The following MTMR12 variants were observed in gnomAD, a reference collection of about 807,000 sequenced individuals.
MTMR12 encodes the protein myotubularin related protein 12.
Under a neutral mutation model 96.7 loss-of-function variants are expected in MTMR12, and 33 were observed. The observed-to-expected ratio is 0.34, with a 90% CI of 0.26 to 0.46. The LOEUF (loss-of-function observed/expected upper bound fraction) is 0.46. Ranked by LOEUF, MTMR12 falls within the 20% of genes least tolerant of loss-of-function variation. The pLI is 1.00. For synonymous variants in MTMR12, 298 were observed against 327.2 expected (o/e 0.91, Z 0.96); for missense variants, 721 against 896.1 (o/e 0.80, Z 2.49).
intron 2 of MTMR12, among the ~76,000 whole-genome samples, chr5:32,276,206 G>A (rs141345505): frequency 7.2e-5 from 11 of 152,312 alleles, no homozygotes; most frequent in African/African-American, 2.4e-4. Flanking sequence ...ACTGCAGGGC[G>A]AAGTGCTGGC....
chr5:32,235,240 A>T, intron 13 of MTMR12, 111 bp from the exon 14 acceptor site: 1 of 961,332 alleles, frequency 1.0e-6, no homozygotes, highest in South Asian at 1.9e-5. Flanking sequence ...TGAGGACTTC[A>T]TTCTCTGGGA....
At chr5:32,242,203 G>C in intron 11 of MTMR12, 76 bp from the exon 12 acceptor site, 2 of 1,019,844 alleles carry the variant, frequency 2.0e-6, no homozygotes, top group Non-Finnish European at 2.9e-6. Context: ...AGTTGAGAGA[G>C]AGTCTGACTT....
In MTMR12 at chr5:32,293,552, G is replaced by A. The variant is rs3935490; in HGVS notation, c.82-16810C>T. Among the ~76,000 whole-genome samples the A allele has an allele frequency of 8.6e-3, 1,311 of 152,164 alleles. 14 individuals are homozygous for A. The highest frequency in any genetic ancestry group is 0.03 in the African/African-American group (1,247 of 41,490). ...GTAAGTTAATACTTAATAAACTCCA[G>A]ATATATATAGGAGATATATATCCTA... On this transcript the variant is annotated intron_variant, in intron 1 of 15. Transcript: ENST00000382142.
At chr5:32,301,698 C>T (rs1403433610) in intron 1 of MTMR12, among the ~76,000 whole-genome samples, 1 of 152,116 alleles carries the variant, frequency 6.6e-6, no homozygotes, top group African/African-American at 2.4e-5. Flanking sequence ...TGAGACCAGT[C>T]TGGCCAACAT....
intron 1 of MTMR12, among the ~76,000 whole-genome samples, chr5:32,310,877 C>CTTT (rs58830358): frequency 1.4e-5 from 2 of 144,886 alleles, no homozygotes; most frequent in African/African-American, 2.5e-5. Flanking sequence ...AGATTTCTTT[C>CTTT]TTTTTTTTTT....
At chr5:32,230,909 T>A (rs1435600058) in intron 15 of MTMR12, among the ~76,000 whole-genome samples, 1 of 152,204 alleles carries the variant, frequency 6.6e-6, no homozygotes, top group East Asian at 1.9e-4. Flanking sequence ...GTCATAAAGA[T>A]TCTTTTAGAT....
Position 32,248,767 on chromosome 5 carries a change from C to T in MTMR12, c.896+5G>A, listed in dbSNP as rs1487778882. On this transcript the variant is annotated splice_donor_5th_base_variant and intron_variant, in intron 9 of 15. Coordinates refer to ENST00000382142, the MANE Select transcript of MTMR12 (RefSeq NM_001040446.3). Reference sequence around the variant, plus strand: ...ACAAGAACAAAATGTAGAACTAGTACTGACCCATCTAAGAAGCTCTTTTGG... The same window carrying T: ...ACAAGAACAAAATGTAGAACTAGTATTGACCCATCTAAGAAGCTCTTTTGG... The T allele has an allele frequency of 1.9e-6, 3 of 1,610,032 alleles. No individual in the cohort carries two copies. The South Asian group carries it at 3.3e-5, about 18-fold the overall frequency.
chr5:32,298,384 G>A (rs532398197), intron 1 of MTMR12, among the ~76,000 whole-genome samples: 1 of 152,316 alleles, frequency 6.6e-6, no homozygotes, highest in African/African-American at 2.4e-5. Context: ...AGGCTCACTT[G>A]AAAGGAGAGA....
At chr5:32,283,184 T>A (rs1023471959) in intron 1 of MTMR12, among the ~76,000 whole-genome samples, 1 of 152,220 alleles carries the variant, frequency 6.6e-6, no homozygotes, top group Admixed American at 6.5e-5. Flanking sequence ...GTCCAAACTT[T>A]ACAATTGAAT....
At chr5:32,238,404 GGTCT>G (rs1455757063) in intron 13 of MTMR12, among the ~76,000 whole-genome samples, 1 of 152,008 alleles carries the variant, frequency 6.6e-6, no homozygotes, top group Non-Finnish European at 1.5e-5. Context: ...GTAGAGATGA[GGTCT>G]GTCTATGTTG....
intron 1 of MTMR12, chr5:32,296,528 T>C (rs1222272611): frequency 3.1e-6 from 1 of 323,610 alleles, no homozygotes; most frequent in Non-Finnish European, 6.5e-6. Flanking sequence ...GGCATGGCGA[T>C]TTACACTTTG....
chr5:32,277,338 C>A (rs988091398), intron 1 of MTMR12, among the ~76,000 whole-genome samples: 2 of 152,170 alleles, frequency 1.3e-5, no homozygotes, highest in African/African-American at 4.8e-5. Context: ...CTCCTTATCT[C>A]TCCTTATCTA....
At position 32,230,549 on chromosome 5, in the gene MTMR12, A is replaced by G. The variant is rs866273279; in HGVS notation, c.1675-202T>C. On this transcript the variant is annotated intron_variant, in intron 15 of 15. Coordinates refer to ENST00000382142, the MANE Select transcript of MTMR12 (RefSeq NM_001040446.3). ...GTATTGCCATGGTGCACACTGTACCAGAAACAAATGGGGAAGCAGGTGCAC... is the reference window on the plus strand; with the variant it reads ...GTATTGCCATGGTGCACACTGTACCGGAAACAAATGGGGAAGCAGGTGCAC... Among the ~76,000 whole-genome samples the G allele has an allele frequency of 2.1e-4, 32 of 152,228 alleles. 1 individual carries two copies. Among genetic ancestry groups the G allele is most frequent in the Non-Finnish European group, 7.3e-5 (5 of 68,034 alleles).
intron 3 of MTMR12, 72 bp downstream of exon 3, chr5:32,273,908 T>A: frequency 6.3e-7 from 1 of 1,592,106 alleles, no homozygotes; most frequent in Non-Finnish European, 8.6e-7. Context: ...ACTGAGAAGC[T>A]GGGAAAAAAA....
chr5:32,269,858 G>A (rs1749765714), intron 5 of MTMR12, among the ~76,000 whole-genome samples: 2 of 152,186 alleles, frequency 1.3e-5, no homozygotes, highest in African/African-American at 4.8e-5. Context: ...GCTGTTTCGT[G>A]TGAAACTAAA....
intron 4 of MTMR12, 30 bp downstream of exon 4, chr5:32,271,803 C>G (rs779740072): frequency 7.1e-7 from 1 of 1,411,138 alleles, no homozygotes; most frequent in South Asian, 1.4e-5. Flanking sequence ...TCAAAGGTTG[C>G]CAACACCCCA....
chr5:32,243,631 GT>G, intron 10 of MTMR12, 32 bp from the exon 11 acceptor site: 1 of 1,416,574 alleles, frequency 7.1e-7, no homozygotes, highest in Non-Finnish European at 1.0e-6. Flanking sequence ...AAGACGTCAG[GT>G]CATTGTTCAC....
rs570740421 is a variant in MTMR12 at position 32,285,351 on chromosome 5, C to T, written c.82-8609G>A. On this transcript the variant is annotated intron_variant, in intron 1 of 15. Transcript: ENST00000382142. The stretch of plus-strand genomic sequence containing the variant: ...TCAGCCTGGGTGACAGAGCGAGATT[C>T]CATTTCAAAAAAAAAAAAAAAAAGA... 1.9e-4 allele frequency among the ~76,000 whole-genome samples: 23 copies of T among 123,646 alleles called. No homozygotes were observed. The South Asian group carries it at 7.2e-3, about 39-fold the overall frequency. The allele number at this position is 123,646 out of a possible 152,430, so 81.1% of individuals were successfully genotyped here. A position where few individuals can be genotyped will look rare whatever the true frequency, so the allele number is the denominator to read the frequency against.
chr5:32,248,054 G>C lies in MTMR12; in HGVS notation c.969C>G (p.Ser323=), dbSNP rs374756896. The change falls in exon 10 of 16, where the codon TCC becomes TCG. Residue 323 remains serine, a synonymous_variant. Coordinates refer to ENST00000382142, the MANE Select transcript of MTMR12 (RefSeq NM_001040446.3). Reference sequence around the variant, plus strand: ...AGTATGCAGTCTGGATTTCCTGCAGGGACAGGAAGTTGCTTGACAGGTCTT... The same window carrying C: ...AGTATGCAGTCTGGATTTCCTGCAGCGACAGGAAGTTGCTTGACAGGTCTT... ...KTEDLSSNFL[S]LQEIQTAYSK... 6.2e-7 allele frequency: 1 copy of C among 1,613,622 alleles called. No homozygotes were observed. The highest frequency in any genetic ancestry group is 8.5e-7 in the Non-Finnish European group (1 of 1,179,710).
Sources: allele counts gnomAD v4.1 joint callset (sites outside exome capture counted in the v4.1 genomes callset), GRCh38; gene constraint gnomAD v4.1.1; transcripts MANE v1.5; gene names NCBI Gene and HGNC (gene_info 2026-07-23, HGNC 2026-07-21).